The following NTM variants were observed in gnomAD, a reference collection of about 807,000 sequenced individuals.
The protein encoded by NTM is neurotrimin, also known as IgLON family member 2.
A neutral mutation model predicts 42.1 loss-of-function variants in NTM; 13 were observed. That is an observed-to-expected ratio of 0.31 (90% CI 0.20 to 0.49). The LOEUF is 0.49. NTM is among the 20% of genes least tolerant of loss of function. The pLI is 0.99. For synonymous variants in NTM, 187 were observed against 179.2 expected (o/e 1.04, Z -0.35); for missense variants, 373 against 452.8 (o/e 0.82, Z 1.60).
intron 1 of NTM, among the ~76,000 whole-genome samples, chr11:131,752,803 G>A (rs543537980): frequency 4.2e-4 from 63 of 150,690 alleles, no homozygotes; most frequent in Admixed American, 1.2e-3. Flanking sequence ...AGAAAACCGC[G>A]CATTACCATT....
intron 1 of NTM, among the ~76,000 whole-genome samples, chr11:131,589,533 C>G (rs2059180505): frequency 6.6e-6 from 1 of 152,184 alleles, no homozygotes; most frequent in South Asian, 2.1e-4. Flanking sequence ...TTCTTTCTTA[C>G]ACATGATGAT....
intron 1 of NTM, among the ~76,000 whole-genome samples, chr11:131,844,750 A>G (rs1035007788): frequency 2.0e-5 from 3 of 152,122 alleles, no homozygotes; most frequent in African/African-American, 7.2e-5. Context: ...GTCTCTTTTA[A>G]TTAATCTTTG....
At chr11:132,271,271 T>A in intron 4 of NTM, among the ~76,000 whole-genome samples, 1 of 152,210 alleles carries the variant, frequency 6.6e-6, no homozygotes, top group East Asian at 1.9e-4. Context: ...ACTGTATGGA[T>A]CCACATTTTG....
chr11:131,810,517 G>C (rs1776244563), intron 1 of NTM, among the ~76,000 whole-genome samples: 1 of 152,206 alleles, frequency 6.6e-6, no homozygotes, highest in African/African-American at 2.4e-5. Context: ...CAGCCAGACT[G>C]ATAGGAATGA....
At position 132,206,606 on chromosome 11, in the gene NTM, G is replaced by C. The variant is rs142261897; in HGVS notation, c.401-5416G>C. ...GAAGTAACTTGGCCAAGGTTGCCCA[G>C]TTAGAACATAGTAGAGCCGGATCTC... On this transcript the variant is annotated intron_variant, in intron 3 of 8. Coordinates refer to ENST00000683400, the MANE Select transcript of NTM (RefSeq NM_001352005.2). 2.3e-3 allele frequency among the ~76,000 whole-genome samples: 354 copies of C among 152,348 alleles called. 2 individuals are homozygous for C. Among genetic ancestry groups the C allele is most frequent in the African/African-American group, 7.6e-3 (316 of 41,588 alleles).
intron 1 of NTM, among the ~76,000 whole-genome samples, chr11:131,894,404 C>T (rs1443668078): frequency 6.6e-6 from 1 of 152,162 alleles, no homozygotes; most frequent in Admixed American, 6.5e-5. Context: ...GGAGTGAAGA[C>T]TTGGGAAGAT....
intron 2 of NTM, among the ~76,000 whole-genome samples, chr11:132,107,851 T>C (rs2062609467): frequency 6.6e-6 from 1 of 152,184 alleles, no homozygotes; most frequent in Non-Finnish European, 1.5e-5. Flanking sequence ...AATGTTGTCA[T>C]GCTAAAGACT....
At chr11:131,631,244 A>C (rs1341921211) in intron 1 of NTM, among the ~76,000 whole-genome samples, 1 of 152,238 alleles carries the variant, frequency 6.6e-6, no homozygotes, top group Non-Finnish European at 1.5e-5. Flanking sequence ...ATGTATGAAA[A>C]GCACGTAGCT....
rs77910987 is a variant in NTM, at chr11:132,183,006, C to A, written c.401-29016C>A. ...TGGTGCCTTTCTTTGCATTTTCCTC[C>A]CTGATACCCTCCCTGTGTTCCTGTC... On this transcript the variant is annotated intron_variant, in intron 3 of 8. Transcript: ENST00000683400. 4.9e-3 allele frequency among the ~76,000 whole-genome samples: 752 copies of A among 152,250 alleles called. 7 individuals carry two copies. The highest frequency in any genetic ancestry group is 0.017 in the African/African-American group (721 of 41,544).
At chr11:132,184,053 T>C (rs1293232443) in intron 3 of NTM, among the ~76,000 whole-genome samples, 1 of 152,156 alleles carries the variant, frequency 6.6e-6, no homozygotes, top group African/African-American at 2.4e-5. Flanking sequence ...AAGCACAAAC[T>C]GGAAACGATG....
At chr11:131,449,296 A>G (rs1405250917) in intron 1 of NTM, among the ~76,000 whole-genome samples, 2 of 152,216 alleles carry the variant, frequency 1.3e-5, no homozygotes, top group East Asian at 3.9e-4. Context: ...GAGGGTGACC[A>G]GGTGTGGCTG....
At chr11:132,294,089 G>A (rs2094538080) in intron 4 of NTM, among the ~76,000 whole-genome samples, 1 of 152,178 alleles carries the variant, frequency 6.6e-6, no homozygotes. Context: ...GGAAAGCATG[G>A]TTAAGGCTAA....
intron 5 of NTM, among the ~76,000 whole-genome samples, chr11:132,308,455 T>C (rs1202127448): frequency 6.6e-6 from 1 of 152,218 alleles, no homozygotes; most frequent in Non-Finnish European, 1.5e-5. Context: ...AGATTGTCTC[T>C]GACATCAATC....
rs532613959 is a variant in NTM, at chr11:131,873,682, CAT to C, written c.83-37874_83-37873del. ...ATATATACACATATATATATACACA[CAT>C]ATATATACACACATATATATATATA... On this transcript the variant is annotated intron_variant, in intron 1 of 8. Transcript: ENST00000683400. 5.4e-3 allele frequency among the ~76,000 whole-genome samples: 600 copies of C among 110,336 alleles called. 32 individuals are homozygous for C. The highest frequency in any genetic ancestry group is 0.019 in the African/African-American group (572 of 29,544). 72.4% of individuals were successfully genotyped at this position (110,336 alleles called of 152,430 possible). A position where few individuals can be genotyped will look rare whatever the true frequency, so the allele number is the denominator to read the frequency against.
At chr11:132,165,286 A>G (rs1377748309) in intron 3 of NTM, among the ~76,000 whole-genome samples, 1 of 152,112 alleles carries the variant, frequency 6.6e-6, no homozygotes, top group African/African-American at 2.4e-5. Context: ...AATTCTCAAG[A>G]TAGATAGAGG....
intron 1 of NTM, among the ~76,000 whole-genome samples, chr11:131,438,442 T>C (rs1438509622): frequency 6.6e-6 from 1 of 152,228 alleles, no homozygotes; most frequent in African/African-American, 2.4e-5. Context: ...TTTGGTCTTT[T>C]CACATAGTCC....
intron 2 of NTM, among the ~76,000 whole-genome samples, chr11:131,993,308 C>A (rs535641319): frequency 5.3e-5 from 8 of 152,130 alleles, no homozygotes; most frequent in African/African-American, 1.9e-4. Context: ...GGAGGGCTAT[C>A]GGGAAGGTGG....
chr11:131,618,746 G>A (rs150801148), intron 1 of NTM, among the ~76,000 whole-genome samples: 241 of 152,286 alleles, frequency 1.6e-3, no homozygotes, highest in Middle Eastern at 3.4e-3. Context: ...AAAAGCCAAC[G>A]TGTTCTGGAA....
chr11:131,411,540 CGTGTGTGTGTGTGTGTGTGTGTGTGT>C (rs5795724), intron 1 of NTM, among the ~76,000 whole-genome samples: 1 of 129,718 alleles, frequency 7.7e-6, no homozygotes, highest in African/African-American at 2.9e-5. Context: ...TAGGGGGGGC[CGTGTGTGTGTGTGTGTGTGTGTGTGT>C]GTGTGTGTGT....
Sources: allele counts gnomAD v4.1 joint callset (sites outside exome capture counted in the v4.1 genomes callset), GRCh38; gene constraint gnomAD v4.1.1; transcripts MANE v1.5; gene names NCBI Gene and HGNC (gene_info 2026-07-23, HGNC 2026-07-21).